DLC1: variants seen among roughly 807,000 people sequenced by gnomAD.
DLC1 encodes the protein rho GTPase-activating protein 7.
Under a neutral mutation model 140.3 loss-of-function variants are expected in DLC1, and 54 were observed. The observed-to-expected ratio is 0.38, with a 90% CI of 0.31 to 0.48. DLC1 has a LOEUF of 0.48. Among genes scored for constraint, DLC1 ranks in the 20% least tolerant of loss-of-function variants. DLC1 has a pLI of 0.96. For missense variants in DLC1, 2,536 were observed against 1,907.0 expected (o/e 1.33, Z -6.14); for synonymous variants, 986 against 728.1 (o/e 1.35, Z -5.70).
At chr8:13,432,382 A>G (rs769350955) in intron 2 of DLC1, among the ~76,000 whole-genome samples, 10 of 152,250 alleles carry the variant, frequency 6.6e-5, no homozygotes, top group African/African-American at 1.7e-4. Context: ...TGATAAAACA[A>G]TATATCATTA....
At chr8:13,164,511 C>T (rs1205712008) in intron 5 of DLC1, among the ~76,000 whole-genome samples, 1 of 152,098 alleles carries the variant, frequency 6.6e-6, no homozygotes, top group Non-Finnish European at 1.5e-5. Flanking sequence ...CTTGTTTTCT[C>T]TCATCTTCCT....
chr8:13,407,435 T>C (rs1341468541), intron 2 of DLC1, among the ~76,000 whole-genome samples: 1 of 152,064 alleles, frequency 6.6e-6, no homozygotes, highest in Non-Finnish European at 1.5e-5. Flanking sequence ...ACAAGGCAGT[T>C]GGGGAGGAGG....
At chr8:13,548,783 T>C (rs1420786818) in intron 1 of DLC1, among the ~76,000 whole-genome samples, 1 of 151,948 alleles carries the variant, frequency 6.6e-6, no homozygotes, top group African/African-American at 2.4e-5. Flanking sequence ...AAATCAAGCT[T>C]ATTTGGGTTG....
intron 2 of DLC1, among the ~76,000 whole-genome samples, chr8:13,412,699 C>T (rs289590): frequency 0.011 from 1,617 of 151,832 alleles, 25 homozygotes; most frequent in African/African-American, 0.038. Flanking sequence ...TTTGGGAGGC[C>T]GAGGTGGGCG....
At chr8:13,293,058 A>G (rs934107302) in intron 5 of DLC1, among the ~76,000 whole-genome samples, 2 of 152,152 alleles carry the variant, frequency 1.3e-5, no homozygotes, top group African/African-American at 2.4e-5. Flanking sequence ...TCCTGCCTCT[A>G]TGTTAAAAAA....
rs753440066 is a variant in DLC1, at chr8:13,100,514, G to A, written c.1823C>T (p.Pro608Leu). ...SSTGSLPSHA[P>L]PSEDAATPRT... is the part of the protein sequence containing the mutation. The stretch of plus-strand genomic sequence containing the variant: ...GGGGGTGGCAGCATCCTCGCTGGGG[G>A]GCGCGTGGCTGGGGAGGCTGCCAGT... The change falls in exon 9 of 18, where the codon CCC becomes CTC. Residue 608 changes from proline to leucine, a missense_variant. Pro to Leu is a moderately conservative substitution (Grantham distance 98, BLOSUM62 -3). Transcript: ENST00000276297. The A allele has an allele frequency of 5.0e-6, 8 of 1,612,488 alleles. No individual in the cohort carries two copies. In the African/African-American group the frequency reaches 5.3e-5, roughly 11 times the overall value.
chr8:13,571,396 C>T (rs1804648489), intron 1 of DLC1, among the ~76,000 whole-genome samples: 1 of 152,176 alleles, frequency 6.6e-6, no homozygotes, highest in Non-Finnish European at 1.5e-5. Flanking sequence ...ACCTGGTCAC[C>T]TCGAATGTAC....
chr8:13,187,628 T>C (rs1184233028), intron 5 of DLC1, among the ~76,000 whole-genome samples: 6 of 152,198 alleles, frequency 3.9e-5, no homozygotes, highest in Non-Finnish European at 8.8e-5. Context: ...TTAGACTATA[T>C]ATTACTTAAA....
intron 5 of DLC1, among the ~76,000 whole-genome samples, chr8:13,170,080 G>A (rs926155394): frequency 6.6e-6 from 1 of 152,068 alleles, no homozygotes; most frequent in Non-Finnish European, 1.5e-5. Context: ...CCCTGAGCTC[G>A]AAAATTCTGT....
chr8:13,213,357 A>T (rs1355918423), intron 5 of DLC1, among the ~76,000 whole-genome samples: 1 of 152,246 alleles, frequency 6.6e-6, no homozygotes, highest in African/African-American at 2.4e-5. Flanking sequence ...ATATATAGAA[A>T]TAACAACAGA....
chr8:13,092,324 C>G (rs1483927185), intron 13 of DLC1, among the ~76,000 whole-genome samples: 3 of 152,158 alleles, frequency 2.0e-5, no homozygotes, highest in African/African-American at 7.2e-5. Flanking sequence ...TAACTAGGCC[C>G]CAGGCCTCTA....
chr8:13,329,234 A>C (rs943043997), intron 4 of DLC1, among the ~76,000 whole-genome samples: 1 of 152,222 alleles, frequency 6.6e-6, no homozygotes, highest in Admixed American at 6.5e-5. Flanking sequence ...TCTGAAAACA[A>C]GTATTACTTT....
At chr8:13,427,150 T>G (rs1473902302) in intron 2 of DLC1, among the ~76,000 whole-genome samples, 1 of 152,194 alleles carries the variant, frequency 6.6e-6, no homozygotes, top group African/African-American at 2.4e-5. Flanking sequence ...CTTGGCTCTC[T>G]CCCTGCCTAC....
intron 5 of DLC1, among the ~76,000 whole-genome samples, chr8:13,275,190 G>C (rs542144684): frequency 6.6e-6 from 1 of 152,302 alleles, no homozygotes; most frequent in African/African-American, 2.4e-5. Flanking sequence ...GAACAAATTA[G>C]AGTTTATGAG....
intron 4 of DLC1, among the ~76,000 whole-genome samples, chr8:13,314,492 A>G (rs1832791088): frequency 6.6e-6 from 1 of 152,014 alleles, no homozygotes; most frequent in African/African-American, 2.4e-5. Context: ...TTAGTCTCTT[A>G]GAAAGCTGAG....
At position 13,436,725 on chromosome 8, in the gene DLC1, A is replaced by G. The variant is rs373428865; in HGVS notation, c.1024-35106T>C. Among the ~76,000 whole-genome samples the G allele has an allele frequency of 2.4e-4, 37 of 152,362 alleles. No individual in the cohort carries two copies. The East Asian group carries it at 4.2e-3, about 17-fold the overall frequency. On this transcript the variant is annotated intron_variant, in intron 2 of 17. Coordinates refer to ENST00000276297, the MANE Select transcript of DLC1 (RefSeq NM_182643.3). ...TGTGTTTTAAGATCTGGTGCCATATAAAAGATACTTGATGCTGTAATGATT... is the reference window on the plus strand; with the variant it reads ...TGTGTTTTAAGATCTGGTGCCATATGAAAGATACTTGATGCTGTAATGATT...
At position 13,386,705 on chromosome 8, in the gene DLC1, A is replaced by G. The variant is rs1836533907; in HGVS notation, c.1314+6848T>C. 2.0e-5 allele frequency among the ~76,000 whole-genome samples: 3 copies of G among 152,126 alleles called. No homozygotes were observed. The South Asian group carries it at 6.2e-4, about 31-fold the overall frequency. The stretch of plus-strand genomic sequence containing the variant: ...ACACTTATTTATTATTTCAAAATCC[A>G]GACTAGGTGAATGAAATCCTCTGTG... On this transcript the variant is annotated intron_variant, in intron 4 of 17. Coordinates refer to ENST00000276297, the MANE Select transcript of DLC1 (RefSeq NM_182643.3).
intron 5 of DLC1, among the ~76,000 whole-genome samples, chr8:13,287,856 A>T (rs903803215): frequency 6.6e-6 from 1 of 152,106 alleles, no homozygotes; most frequent in East Asian, 1.9e-4. Context: ...TATAATTATT[A>T]TAAGGTAGAT....
intron 1 of DLC1, among the ~76,000 whole-genome samples, chr8:13,509,819 G>A (rs1180666402): frequency 6.6e-6 from 1 of 151,998 alleles, no homozygotes; most frequent in Non-Finnish European, 1.5e-5. Context: ...TTTCCCCCTG[G>A]TGATTAGGGT....
Sources: allele counts gnomAD v4.1 joint callset (sites outside exome capture counted in the v4.1 genomes callset), GRCh38; gene constraint gnomAD v4.1.1; transcripts MANE v1.5; gene names NCBI Gene and HGNC (gene_info 2026-07-23, HGNC 2026-07-21).